BNC2: variants seen among roughly 807,000 people sequenced by gnomAD.
BNC2 encodes the protein basonuclin zinc finger protein 2, also known as zinc finger protein basonuclin-2.
A neutral mutation model predicts 76.3 loss-of-function variants in BNC2; 20 were observed. That is an observed-to-expected ratio of 0.26 (90% CI 0.18 to 0.38). BNC2 has a LOEUF of 0.38. Ranked by LOEUF, BNC2 falls within the 10% of genes least tolerant of loss-of-function variation. BNC2 has a pLI of 1.00. For missense variants in BNC2, 1,382 were observed against 1,399.8 expected (o/e 0.99, Z 0.20); for synonymous variants, 582 against 514.8 (o/e 1.13, Z -1.77).
intron 3 of BNC2, among the ~76,000 whole-genome samples, chr9:16,696,420 C>G (rs977097764): frequency 6.6e-6 from 1 of 152,150 alleles, no homozygotes; most frequent in Admixed American, 6.5e-5. Flanking sequence ...GGAATACCCT[C>G]GCCTGTATTC....
At chr9:16,684,145 G>T (rs1188396061) in intron 3 of BNC2, among the ~76,000 whole-genome samples, 2 of 151,730 alleles carry the variant, frequency 1.3e-5, no homozygotes, top group African/African-American at 4.8e-5. Flanking sequence ...TCTTTTCACT[G>T]TAATTCAAGG....
chr9:16,637,816 G>T (rs536805679), intron 3 of BNC2, among the ~76,000 whole-genome samples: 1 of 152,108 alleles, frequency 6.6e-6, no homozygotes, highest in African/African-American at 2.4e-5. Context: ...TCTCATCAAG[G>T]TTGAACAAGA....
chr9:16,783,702 A>G (rs1458597132), intron 1 of BNC2, among the ~76,000 whole-genome samples: 1 of 152,198 alleles, frequency 6.6e-6, no homozygotes, highest in Non-Finnish European at 1.5e-5. Flanking sequence ...TTCACAAATT[A>G]AACCTCTACT....
chr9:16,522,353 G>T (rs938257518), intron 5 of BNC2, among the ~76,000 whole-genome samples: 1 of 152,202 alleles, frequency 6.6e-6, no homozygotes, highest in Admixed American at 6.5e-5. Flanking sequence ...ATGCCCGATT[G>T]ATATAAATTC....
At chr9:16,791,762 G>A (rs1173856198) in intron 1 of BNC2, among the ~76,000 whole-genome samples, 1 of 152,164 alleles carries the variant, frequency 6.6e-6, no homozygotes, top group African/African-American at 2.4e-5. Flanking sequence ...TCTTCACAGG[G>A]TGGCGTGAGG....
At chr9:16,771,138 C>T (rs1050797399) in intron 1 of BNC2, among the ~76,000 whole-genome samples, 11 of 152,140 alleles carry the variant, frequency 7.2e-5, no homozygotes, top group African/African-American at 2.7e-4. Flanking sequence ...TACTGCTCTC[C>T]AGCCTGGGTG....
At chr9:16,551,516 G>A (rs1818662913) in intron 5 of BNC2, among the ~76,000 whole-genome samples, 1 of 152,226 alleles carries the variant, frequency 6.6e-6, no homozygotes, top group African/African-American at 2.4e-5. Context: ...ACTATACAAG[G>A]CTGGCACAGC....
intron 3 of BNC2, among the ~76,000 whole-genome samples, chr9:16,714,621 G>T (rs1206385710): frequency 6.6e-6 from 1 of 152,170 alleles, no homozygotes; most frequent in Non-Finnish European, 1.5e-5. Flanking sequence ...AACTTGTTAT[G>T]TTTAAAACAC....
intron 1 of BNC2, among the ~76,000 whole-genome samples, chr9:16,801,045 C>G (rs573677394): frequency 1.2e-4 from 19 of 152,154 alleles, no homozygotes; most frequent in Admixed American, 5.9e-4. Context: ...AAAAAGAACC[C>G]AAAATGATTG....
At chr9:16,564,583 T>G (rs995098701) in intron 4 of BNC2, among the ~76,000 whole-genome samples, 1 of 152,128 alleles carries the variant, frequency 6.6e-6, no homozygotes, top group Non-Finnish European at 1.5e-5. Context: ...CCCTAACCTT[T>G]AAATTTCGCT....
chr9:16,638,940 AAAGT>A (rs1442324851), intron 3 of BNC2, among the ~76,000 whole-genome samples: 1 of 152,202 alleles, frequency 6.6e-6, no homozygotes, highest in Non-Finnish European at 1.5e-5. Context: ...TAATAATTAG[AAAGT>A]AATAATGTCT....
intron 5 of BNC2, among the ~76,000 whole-genome samples, chr9:16,452,540 G>T (rs1821363562): frequency 6.6e-6 from 1 of 152,072 alleles, no homozygotes; most frequent in Non-Finnish European, 1.5e-5. Context: ...CTCCCAAGTA[G>T]CTGGGATTAT....
intron 3 of BNC2, among the ~76,000 whole-genome samples, chr9:16,651,763 G>A (rs1821800260): frequency 6.6e-6 from 1 of 152,100 alleles, no homozygotes; most frequent in Non-Finnish European, 1.5e-5. Flanking sequence ...CTCTGTCCAA[G>A]AAATCAAACA....
intron 1 of BNC2, among the ~76,000 whole-genome samples, chr9:16,788,472 G>A (rs1826369827): frequency 6.7e-6 from 1 of 149,124 alleles, no homozygotes; most frequent in Non-Finnish European, 1.5e-5. Context: ...AGAATGGCGT[G>A]AACCCAGGAG....
At chr9:16,519,685 C>CT (rs1450530003) in intron 5 of BNC2, among the ~76,000 whole-genome samples, 3 of 152,188 alleles carry the variant, frequency 2.0e-5, no homozygotes, top group African/African-American at 7.2e-5. Flanking sequence ...GTACTAAGCA[C>CT]TTAACTACCA....
At chr9:16,523,492 A>C (rs111315765) in intron 5 of BNC2, among the ~76,000 whole-genome samples, 1 of 106,666 alleles carries the variant, frequency 9.4e-6, no homozygotes, top group African/African-American at 7.3e-5. Context: ...AAAAAACAAA[A>C]CAAAAAAAAA....
chr9:16,482,182 T>C (rs539892550), intron 5 of BNC2, among the ~76,000 whole-genome samples: 37 of 152,316 alleles, frequency 2.4e-4, no homozygotes, highest in African/African-American at 8.9e-4. Flanking sequence ...AGATCCATAA[T>C]TGTGTTTTAA....
At chr9:16,553,685 G>A (rs953541233) in intron 4 of BNC2, among the ~76,000 whole-genome samples, 1 of 152,028 alleles carries the variant, frequency 6.6e-6, no homozygotes, top group Non-Finnish European at 1.5e-5. Flanking sequence ...CAACAATTGG[G>A]TGCTTTTTCT....
chr9:16,435,238 G>A, intron 6 of BNC2: 1 of 414,256 alleles, frequency 2.4e-6, no homozygotes, highest in Non-Finnish European at 4.5e-6. Context: ...CGGGGAAGCA[G>A]GGAACCGTGT....
Sources: allele counts gnomAD v4.1 joint callset (sites outside exome capture counted in the v4.1 genomes callset), GRCh38; gene constraint gnomAD v4.1.1; transcripts MANE v1.5; gene names NCBI Gene and HGNC (gene_info 2026-07-23, HGNC 2026-07-21).